Variants in GARNL3 observed in about 807,000 individuals in gnomAD.
GARNL3 encodes GTPase-activating Rap/Ran-GAP domain-like protein 3.
Under a neutral mutation model 125.0 loss-of-function variants are expected in GARNL3, and 63 were observed. The ratio of observed to expected loss-of-function variants is 0.50; its 90% CI spans 0.41 to 0.62. The LOEUF (loss-of-function observed/expected upper bound fraction) is 0.62. Ranked by LOEUF, GARNL3 falls within the 20% of genes least tolerant of loss-of-function variation. GARNL3 has a pLI of 0.00. For missense variants in GARNL3, 994 were observed against 1,244.0 expected (o/e 0.80, Z 3.02); for synonymous variants, 439 against 457.5 (o/e 0.96, Z 0.52).
intron 2 of GARNL3, among the ~76,000 whole-genome samples, chr9:127,255,571 A>G (rs2063482376): frequency 6.6e-6 from 1 of 152,150 alleles, no homozygotes; most frequent in African/African-American, 2.4e-5. Flanking sequence ...AAGGGTTTTA[A>G]GTATATCTGT....
intron 1 of GARNL3, among the ~76,000 whole-genome samples, chr9:127,231,616 G>A (rs978649950): frequency 4.6e-5 from 7 of 152,156 alleles, no homozygotes; most frequent in Admixed American, 3.3e-4. Flanking sequence ...TGGAACTTTA[G>A]ACATCACCTA....
intron 2 of GARNL3, among the ~76,000 whole-genome samples, chr9:127,309,718 C>G (rs1237401370): frequency 6.6e-6 from 1 of 151,634 alleles, no homozygotes; most frequent in Non-Finnish European, 1.5e-5. Flanking sequence ...CCCCATTTAA[C>G]CTGTTCTCTC....
chr9:127,346,860 G>A (rs1397101373), intron 16 of GARNL3, among the ~76,000 whole-genome samples: 1 of 152,186 alleles, frequency 6.6e-6, no homozygotes, highest in Non-Finnish European at 1.5e-5. Flanking sequence ...CTGTGGTCAT[G>A]TTCTTAGAGA....
chr9:127,374,505 TAATA>T (rs1303594750), intron 22 of GARNL3, among the ~76,000 whole-genome samples: 2 of 152,098 alleles, frequency 1.3e-5, no homozygotes, highest in South Asian at 2.1e-4. Flanking sequence ...AAGAAAAAAT[TAATA>T]AATTGAACTT....
intron 2 of GARNL3, among the ~76,000 whole-genome samples, chr9:127,257,860 C>T (rs1440794880): frequency 2.0e-5 from 3 of 152,154 alleles, no homozygotes; most frequent in Admixed American, 6.5e-5. Context: ...GAACCAGGAG[C>T]TCTATAAGGT....
At chr9:127,267,295 C>T (rs796320687) in intron 1 of GARNL3, among the ~76,000 whole-genome samples, 42 of 152,208 alleles carry the variant, frequency 2.8e-4, no homozygotes, top group African/African-American at 8.7e-4. Context: ...AAAAATTCCA[C>T]GTATAATCTT....
rs978519740 is a variant in GARNL3 at position 127,388,713 on chromosome 9, C to T, written c.2528-191C>T. On this transcript the variant is annotated intron_variant, in intron 25 of 27. Transcript: ENST00000373387. ...TACCTAATTTACACATGAAAATGCTCTTAGAAAACGCAAAGCCATCAGGCA... is the reference window on the plus strand; with the variant it reads ...TACCTAATTTACACATGAAAATGCTTTTAGAAAACGCAAAGCCATCAGGCA... The T allele has an allele frequency of 1.2e-5, 7 of 593,202 alleles. No homozygotes were observed. The African/African-American group carries it at 1.3e-4, about 11-fold the overall frequency. 36.7% of individuals were successfully genotyped at this position (593,202 alleles called of 1,614,324 possible).
chr9:127,225,295 G>C (rs1189782911), intron 1 of GARNL3: 1 of 975,582 alleles, frequency 1.0e-6, no homozygotes, highest in African/African-American at 1.8e-5. Context: ...CCGAGCCCGC[G>C]GCCCCCGCCC....
chr9:127,354,472 G>T (rs539304384), intron 19 of GARNL3, 62 bp downstream of exon 19: 3 of 950,588 alleles, frequency 3.2e-6, no homozygotes, highest in Non-Finnish European at 4.9e-6. Flanking sequence ...GGCTGCCCAG[G>T]TTTTACTGAA....
At position 127,280,454 on chromosome 9, in the gene GARNL3, C is replaced by T. The variant is rs1171089873; in HGVS notation, c.145-10714C>T. Among the ~76,000 whole-genome samples the T allele has an allele frequency of 1.3e-5, 2 of 152,166 alleles. No homozygotes were observed. Among genetic ancestry groups the T allele is most frequent in the African/African-American group, 4.8e-5 (2 of 41,434 alleles). On this transcript the variant is annotated intron_variant, in intron 1 of 27. Transcript: ENST00000373387. This position sits in a 1 kb window ranked among gnomAD's most constrained non-coding sequence, Gnocchi z 4.5. Reference sequence around the variant, plus strand: ...TTTTATTCTTACTCTTCTGAAAGACCCAATGTCTCTTAGCTAAAATTAGAT... The same window carrying T: ...TTTTATTCTTACTCTTCTGAAAGACTCAATGTCTCTTAGCTAAAATTAGAT...
intron 7 of GARNL3, among the ~76,000 whole-genome samples, chr9:127,330,592 G>C (rs1342169617): frequency 2.6e-5 from 4 of 152,212 alleles, no homozygotes; most frequent in African/African-American, 9.6e-5. Context: ...TCTAGTGGTA[G>C]AAACAGATAC....
chr9:127,347,434 A>T (rs1000612116), intron 16 of GARNL3, among the ~76,000 whole-genome samples: 3 of 152,088 alleles, frequency 2.0e-5, no homozygotes, highest in South Asian at 4.2e-4. Context: ...AATAAAATTT[A>T]AAAAAAGGTA....
chr9:127,345,525 T>A, intron 16 of GARNL3, 48 bp downstream of exon 16: 1 of 1,193,070 alleles, frequency 8.4e-7, no homozygotes, highest in South Asian at 1.3e-5. Context: ...CCCTTTTCCT[T>A]AATGAAAATG....
At chr9:127,267,572 A>G (rs1564862917) in intron 1 of GARNL3, among the ~76,000 whole-genome samples, 1 of 152,218 alleles carries the variant, frequency 6.6e-6, no homozygotes, top group African/African-American at 2.4e-5. Context: ...CGTATTAAAA[A>G]TGACATGTGT....
chr9:127,392,984 A>G lies in GARNL3; in HGVS notation c.2871-99A>G. ...CATAACAGTGAGGGTTTGGTGAGCC[A>G]AACTCATGAGCTCAGATGAGCAGGA... On this transcript the variant is annotated intron_variant, in intron 27 of 27. Transcript: ENST00000373387. The surrounding 1 kb of genome is among the most constrained non-coding windows in gnomAD (Gnocchi z 5.2). 2.0e-6 allele frequency: 2 copies of G among 1,009,200 alleles called. No individual in the cohort carries two copies. The highest frequency in any genetic ancestry group is 2.9e-6 in the Non-Finnish European group (2 of 681,394). The allele number at this position is 1,009,200 out of a possible 1,614,324, so 62.5% of individuals were successfully genotyped here. A position where few individuals can be genotyped will look rare whatever the true frequency, so the allele number is the denominator to read the frequency against.
chr9:127,325,229 C>T (rs62578844), intron 7 of GARNL3, 134 bp downstream of exon 7: 124,850 of 769,854 alleles, frequency 0.16, 11,226 homozygotes, highest in East Asian at 0.19. Flanking sequence ...ACACATTGCG[C>T]GGAAAGAACT....
intron 17 of GARNL3, among the ~76,000 whole-genome samples, chr9:127,350,538 G>A (rs1025189183): frequency 1.3e-5 from 2 of 152,018 alleles, no homozygotes; most frequent in African/African-American, 2.4e-5. Context: ...ACTTTGGGAG[G>A]CTGAGGTGAG....
intron 13 of GARNL3, among the ~76,000 whole-genome samples, chr9:127,341,296 C>T (rs1829847697): frequency 6.6e-6 from 1 of 152,224 alleles, no homozygotes; most frequent in African/African-American, 2.4e-5. Context: ...CCTGGAGAGC[C>T]AGGCAGGGAG....
At chr9:127,252,295 A>C (rs2063418983) in intron 2 of GARNL3, among the ~76,000 whole-genome samples, 1 of 152,182 alleles carries the variant, frequency 6.6e-6, no homozygotes. Flanking sequence ...TATGTTCCTA[A>C]AGCAACAAAA....
Sources: gnomAD v4.1 joint callset for allele counts (sites outside exome capture counted in the v4.1 genomes callset) on GRCh38, gnomAD v4.1.1 for gene constraint, Gnocchi (gnomAD v3.1) non-coding constraint, MANE v1.5 for transcripts, NCBI Gene and HGNC (gene_info 2026-07-23, HGNC 2026-07-21) for gene names.